AHCYL1: variants seen among roughly 807,000 people sequenced by gnomAD.
AHCYL1 encodes S-adenosylhomocysteine hydrolase-like protein 1.
A neutral mutation model predicts 79.3 loss-of-function variants in AHCYL1; 20 were observed. The ratio of observed to expected loss-of-function variants is 0.25; its 90% CI spans 0.18 to 0.37. The LOEUF is 0.37. Among genes scored for constraint, AHCYL1 ranks in the 10% least tolerant of loss-of-function variants. The pLI, the probability that AHCYL1 is intolerant of heterozygous loss-of-function variation, is 1.00. For missense variants in AHCYL1, 330 were observed against 673.6 expected, an observed-to-expected ratio of 0.49 and a Z score of 5.65; for synonymous variants, 223 against 242.2, an observed-to-expected ratio of 0.92 and a Z score of 0.74.
At chr1:109,990,569 C>A (rs1478612684) in intron 1 of AHCYL1, among the ~76,000 whole-genome samples, 5 of 152,236 alleles carry the variant, frequency 3.3e-5, no homozygotes, top group African/African-American at 9.6e-5. Flanking sequence ...ATTGGAATGT[C>A]TTTTCAATAA....
At chr1:110,014,936 T>C (rs1019947824) in intron 6 of AHCYL1, 79 bp downstream of exon 6, 1 of 1,339,402 alleles carries the variant, frequency 7.5e-7, no homozygotes, top group African/African-American at 1.4e-5. Context: ...TCCCTAAATA[T>C]GTTTTGGATG....
Position 110,014,868 on chromosome 1 carries a change from A to G in AHCYL1, c.675+11A>G. 6.2e-7 allele frequency: 1 copy of G among 1,604,998 alleles called. No homozygotes were observed. The highest frequency in any genetic ancestry group is 2.2e-5 in the East Asian group (1 of 44,844). ...TGGCAGGCCAACATGGTAATAATGC[A>G]TATACATCCTACACTTTGACAATAG... On this transcript the variant is annotated intron_variant, in intron 6 of 16. Coordinates refer to ENST00000369799, the MANE Select transcript of AHCYL1 (RefSeq NM_006621.7).
intron 5 of AHCYL1, among the ~76,000 whole-genome samples, chr1:110,013,481 G>A (rs769350390): frequency 1.3e-5 from 2 of 152,116 alleles, no homozygotes; most frequent in South Asian, 2.1e-4. Context: ...AGGCCGAGGC[G>A]GGCAGATCAC....
chr1:110,015,572 C>G, intron 7 of AHCYL1, 41 bp downstream of exon 7: 4 of 1,521,796 alleles, frequency 2.6e-6, no homozygotes, highest in Non-Finnish European at 3.6e-6. Context: ...GTCCTTGCCT[C>G]AGCAAACTCT....
chr1:110,018,578 G>C lies in AHCYL1; in HGVS notation c.1245G>C (p.Thr415=). 6.2e-7 allele frequency: 1 copy of C among 1,614,064 alleles called. No homozygotes were observed. The highest frequency in any genetic ancestry group is 8.5e-7 in the Non-Finnish European group (1 of 1,179,982). Reference sequence around the variant, plus strand: ...CCAGCCTCCGCACTCCGGAGCTGACGTGGGAGCGAGTACGTTCTCAGGTGG... The same window carrying C: ...CCAGCCTCCGCACTCCGGAGCTGACCTGGGAGCGAGTACGTTCTCAGGTGG... ...DVTSLRTPEL[T]WERVRSQVDH... is the part of the protein sequence containing the mutation. The change falls in exon 13 of 17, where the codon ACG becomes ACC. Residue 415 remains threonine (T), a synonymous_variant. Coordinates refer to ENST00000369799, the MANE Select transcript of AHCYL1 (RefSeq NM_006621.7).
In AHCYL1 at chr1:110,000,966, G is replaced by A. The variant is rs569312847; in HGVS notation, c.121-8068G>A. The A allele has an allele frequency of 6.5e-5, 64 of 985,026 alleles. 1 individual carries two copies. In the South Asian group the frequency reaches 2.4e-3, roughly 38 times the overall value. The allele number at this position is 985,026 out of a possible 1,614,324, so 61.0% of individuals were successfully genotyped here. ...AAAGTCATATAAATCTAGGCATTCA[G>A]GATCTTGGTGTCCACCCTACTAGTA... On this transcript the variant is annotated intron_variant, in intron 1 of 16. Transcript: ENST00000369799.
At position 109,984,870 on chromosome 1, in the gene AHCYL1, T is replaced by G; in HGVS notation, c.-183T>G. ...TGGCCGCCGTCGCTGTCCGGCTGCC[T>G]TGGGCTGCCGAACAGACAAGGCGTG... On this transcript the variant is annotated 5_prime_UTR_variant, in exon 1 of 17. Transcript: ENST00000369799. The G allele has an allele frequency of 1.2e-5, 12 of 996,920 alleles. No homozygotes were observed. Among genetic ancestry groups the G allele is most frequent in the Non-Finnish European group, 1.4e-5 (11 of 770,112 alleles). 61.8% of individuals were successfully genotyped at this position (996,920 alleles called of 1,614,324 possible). A position where few individuals can be genotyped will look rare whatever the true frequency, so the allele number is the denominator to read the frequency against.
At chr1:109,991,057 G>T (rs1241552908) in intron 1 of AHCYL1, among the ~76,000 whole-genome samples, 1 of 152,178 alleles carries the variant, frequency 6.6e-6, no homozygotes, top group Non-Finnish European at 1.5e-5. Context: ...CTAGAGTGGA[G>T]CATCCATGCC....
intron 2 of AHCYL1, 93 bp from the exon 3 acceptor site, chr1:110,011,121 T>C: frequency 6.7e-7 from 1 of 1,487,680 alleles, no homozygotes; most frequent in Non-Finnish European, 9.1e-7. Flanking sequence ...GGTGTTCCCT[T>C]AACTTAAATG....
chr1:110,009,399 C>T (rs1329396426), intron 2 of AHCYL1, among the ~76,000 whole-genome samples: 3 of 152,182 alleles, frequency 2.0e-5, no homozygotes, highest in Non-Finnish European at 4.4e-5. Flanking sequence ...TAGGACTGGG[C>T]TAGTTCCCAT....
chr1:110,018,150 T>A, intron 11 of AHCYL1, 134 bp downstream of exon 11: 2 of 1,084,872 alleles, frequency 1.8e-6, no homozygotes, highest in Non-Finnish European at 2.7e-6. Flanking sequence ...ATCAGAACCT[T>A]AACATGTTTT....
At chr1:109,995,756 T>C (rs947670453) in intron 1 of AHCYL1, 2 of 917,358 alleles carry the variant, frequency 2.2e-6, no homozygotes, top group Non-Finnish European at 2.6e-6. Context: ...GGCTCTAAAC[T>C]AGAGCTGTGT....
At chr1:110,015,823 TATC>T (rs1011046143) in intron 7 of AHCYL1, among the ~76,000 whole-genome samples, 10 of 152,206 alleles carry the variant, frequency 6.6e-5, no homozygotes, top group African/African-American at 2.4e-4. Flanking sequence ...AATATTGTAT[TATC>T]ATTTTATATT....
intron 3 of AHCYL1, 79 bp downstream of exon 3, chr1:110,011,436 G>C: frequency 6.4e-7 from 1 of 1,567,566 alleles, no homozygotes; most frequent in Non-Finnish European, 8.7e-7. Flanking sequence ...CTTAAGACTT[G>C]AAAGCTGACT....
In AHCYL1 at chr1:110,019,034, C is replaced by A. The variant is rs1192495803; in HGVS notation, c.1318-17C>A. Reference sequence around the variant, plus strand: ...CTGAGACAGAGCTCATCCCAGGGCTCTCTCTTACCTTTCCAGGGTCGTCTA... The same window carrying A: ...CTGAGACAGAGCTCATCCCAGGGCTATCTCTTACCTTTCCAGGGTCGTCTA... On this transcript the variant is annotated splice_polypyrimidine_tract_variant and intron_variant, in intron 13 of 16. Coordinates refer to ENST00000369799, the MANE Select transcript of AHCYL1 (RefSeq NM_006621.7). 1 of 1,613,738 alleles carries A rather than the reference C, an allele frequency of 6.2e-7. No individual in the cohort carries two copies. The highest frequency in any genetic ancestry group is 8.5e-7 in the Non-Finnish European group (1 of 1,179,740).
chr1:109,985,949 A>G (rs1649444702), intron 1 of AHCYL1, among the ~76,000 whole-genome samples: 1 of 152,072 alleles, frequency 6.6e-6, no homozygotes, highest in Non-Finnish European at 1.5e-5. Flanking sequence ...CTGTAGGTTG[A>G]CTCAAAGGAC....
chr1:110,018,042 T>C (rs1311033224), intron 11 of AHCYL1, 26 bp downstream of exon 11: 1 of 1,612,576 alleles, frequency 6.2e-7, no homozygotes, highest in Admixed American at 1.7e-5. Context: ...AGAGAAGTGT[T>C]TATTCAGAGG....
intron 1 of AHCYL1, chr1:109,985,541 C>G (rs1249233881): frequency 1.8e-5 from 18 of 996,804 alleles, no homozygotes; most frequent in Non-Finnish European, 2.0e-5. Flanking sequence ...AATCTCCCTT[C>G]AGGTGAGTGG....
At position 109,984,983 on chromosome 1, in the gene AHCYL1, A is replaced by G; in HGVS notation, c.-70A>G. ...GCGTGTCGGAGGGCGCCGCGCGGGC[A>G]GGCGGGCGGGCGCCAGAGGGGGAAA... On this transcript the variant is annotated 5_prime_UTR_variant, in exon 1 of 17. Transcript: ENST00000369799. The G allele has an allele frequency of 7.3e-7, 1 of 1,374,666 alleles. No homozygotes were observed. 85.2% of individuals were successfully genotyped at this position (1,374,666 alleles called of 1,614,324 possible). A position where few individuals can be genotyped will look rare whatever the true frequency, so the allele number is the denominator to read the frequency against.
Sources: gnomAD v4.1 joint callset for allele counts (sites outside exome capture counted in the v4.1 genomes callset) on GRCh38, gnomAD v4.1.1 for gene constraint, MANE v1.5 for transcripts, NCBI Gene and HGNC (gene_info 2026-07-23, HGNC 2026-07-21) for gene names.